The following CDH12 variants were observed in gnomAD, a reference collection of about 807,000 sequenced individuals.
CDH12 encodes the protein cadherin-12.
In CDH12, 41 loss-of-function variants were observed where a neutral mutation model predicts 74.1. That is an observed-to-expected ratio of 0.55 (90% CI 0.43 to 0.72). The LOEUF (loss-of-function observed/expected upper bound fraction) is 0.72, where lower values mean the gene tolerates loss of function less well. Ranked by LOEUF, CDH12 falls within the 30% of genes least tolerant of loss-of-function variation. CDH12 has a pLI of 0.00. For missense variants in CDH12, 945 were observed against 977.2 expected (o/e 0.97, Z 0.44); for synonymous variants, 399 against 355.0 (o/e 1.12, Z -1.39).
chr5:21,880,664 T>C (rs1752286947), intron 6 of CDH12, among the ~76,000 whole-genome samples: 4 of 138,554 alleles, frequency 2.9e-5, no homozygotes, highest in East Asian at 2.2e-4. Flanking sequence ...TCTTTCTTTC[T>C]TTCTTTCTTT....
intron 6 of CDH12, among the ~76,000 whole-genome samples, chr5:21,898,901 G>T (rs1193120267): frequency 6.6e-6 from 1 of 151,794 alleles, no homozygotes; most frequent in Non-Finnish European, 1.5e-5. Context: ...AAAATGAGTT[G>T]ATCTAAGAGA....
At chr5:21,845,023 A>ATAGG (rs763529054) in intron 7 of CDH12, among the ~76,000 whole-genome samples, 3 of 151,654 alleles carry the variant, frequency 2.0e-5, no homozygotes, top group Non-Finnish European at 4.4e-5. Flanking sequence ...AGATAGATAG[A>ATAGG]TAGATAGATA....
At chr5:22,308,809 A>AACACAC (rs774664506) in intron 3 of CDH12, among the ~76,000 whole-genome samples, 59 of 85,292 alleles carry the variant, frequency 6.9e-4, no homozygotes, top group South Asian at 2.3e-3. Context: ...CAAATACACA[A>AACACAC]ACACACACAC....
In CDH12 at chr5:22,631,969, A is replaced by G. The variant is rs533359862; in HGVS notation, c.-522-126605T>C. ...CTCCCACCAGGCCCTACCTGCAACA[A>G]TGGGGATTGCAATTTGACATGTGAT... On this transcript the variant is annotated intron_variant, in intron 1 of 14. Coordinates refer to ENST00000382254, the MANE Select transcript of CDH12 (RefSeq NM_004061.5). Among the ~76,000 whole-genome samples, 4 of 152,210 alleles carry G rather than the reference A, an allele frequency of 2.6e-5. No homozygotes were observed. The South Asian group carries it at 8.3e-4, about 32-fold the overall frequency.
chr5:22,312,198 A>T (rs191171096), intron 3 of CDH12, among the ~76,000 whole-genome samples: 2 of 152,160 alleles, frequency 1.3e-5, no homozygotes, highest in East Asian at 3.9e-4. Flanking sequence ...ACTAGATAAA[A>T]TGAGTTTTCA....
intron 1 of CDH12, among the ~76,000 whole-genome samples, chr5:22,686,048 A>G (rs1490104637): frequency 1.3e-5 from 2 of 152,162 alleles, no homozygotes; most frequent in East Asian, 3.9e-4. Context: ...CCACATTCTT[A>G]TCCACATCTG....
intron 1 of CDH12, among the ~76,000 whole-genome samples, chr5:22,533,796 G>A (rs1280762546): frequency 6.6e-6 from 1 of 152,094 alleles, no homozygotes; most frequent in Non-Finnish European, 1.5e-5. Flanking sequence ...CTAAATGAAA[G>A]CTTTAAAATT....
rs1487338862 is a variant in CDH12 at position 22,761,860 on chromosome 5, G to GT, written c.-523+91197dup. The stretch of plus-strand genomic sequence containing the variant: ...ACCGTTAAAATACAAACAAAACCTT[G>GT]TGTCAGACTTAGCATGTGTTACTGA... On this transcript the variant is annotated intron_variant, in intron 1 of 14. Transcript: ENST00000382254. Among the ~76,000 whole-genome samples the GT allele has an allele frequency of 5.3e-5, 8 of 152,132 alleles. No individual in the cohort carries two copies. The East Asian group carries it at 1.4e-3, about 26-fold the overall frequency.
In CDH12 at chr5:21,842,184, T is replaced by C; in HGVS notation, c.791A>G (p.Asp264Gly). Residue 264 changes from aspartate to glycine, a missense_variant, in exon 8 of 15, where the codon GAC (aspartate) becomes GGC (glycine). Asp to Gly is a moderately conservative substitution (Grantham distance 94). Transcript: ENST00000382254. The part of the protein sequence containing the change: ...IVNITLTDVN[D>G]NPPRFPKSIF... ...ACTTTTGGGGAATCGAGGTGGATTG[T>C]CATTGACATCGGTGAGAGTGATGTT... 1.2e-6 allele frequency: 2 copies of C among 1,611,994 alleles called. No individual in the cohort carries two copies. The highest frequency in any genetic ancestry group is 8.5e-7 in the Non-Finnish European group (1 of 1,179,254).
rs960406799 is a variant in CDH12 at position 22,584,937 on chromosome 5, T to TA, written c.-522-79574dup. 5.3e-5 allele frequency among the ~76,000 whole-genome samples: 8 copies of TA among 152,150 alleles called. No homozygotes were observed. The East Asian group carries it at 7.7e-4, about 15-fold the overall frequency. On this transcript the variant is annotated intron_variant, in intron 1 of 14. Coordinates refer to ENST00000382254, the MANE Select transcript of CDH12 (RefSeq NM_004061.5). ...CAAGATACTGCCATAATATTTATCTTAAAAAAATTTACTACTAAAAAAAAC... is the reference window on the plus strand; with the variant it reads ...CAAGATACTGCCATAATATTTATCTTAAAAAAAATTTACTACTAAAAAAAAC...
chr5:22,471,690 T>C (rs1390120885), intron 2 of CDH12, among the ~76,000 whole-genome samples: 1 of 152,208 alleles, frequency 6.6e-6, no homozygotes. Flanking sequence ...AGGTTACCAA[T>C]GACTTCACAT....
At chr5:21,753,590 TGAG>T (rs1163425070) in intron 14 of CDH12, among the ~76,000 whole-genome samples, 3 of 152,100 alleles carry the variant, frequency 2.0e-5, no homozygotes, top group Non-Finnish European at 4.4e-5. Flanking sequence ...TGAGAATGGC[TGAG>T]AACAAGCTAG....
intron 1 of CDH12, among the ~76,000 whole-genome samples, chr5:22,561,550 A>G (rs747545842): frequency 1.3e-5 from 2 of 152,060 alleles, no homozygotes; most frequent in Non-Finnish European, 2.9e-5. Flanking sequence ...TCTTCATCCT[A>G]TCTTTGGCCT....
chr5:21,824,187 T>C (rs1748530588), intron 8 of CDH12, among the ~76,000 whole-genome samples: 1 of 152,244 alleles, frequency 6.6e-6, no homozygotes, highest in Admixed American at 6.5e-5. Flanking sequence ...ATTAGCAGCC[T>C]TTCTCTGTCC....
At chr5:21,842,836 C>T (rs1749947941) in intron 7 of CDH12, among the ~76,000 whole-genome samples, 1 of 152,000 alleles carries the variant, frequency 6.6e-6, no homozygotes, top group Admixed American at 6.6e-5. Context: ...TTTATTTTGT[C>T]TTTCAGAATT....
At chr5:22,183,684 G>A (rs774389038) in intron 4 of CDH12, among the ~76,000 whole-genome samples, 4 of 152,136 alleles carry the variant, frequency 2.6e-5, no homozygotes, top group African/African-American at 7.2e-5. Context: ...AGGGGCAACT[G>A]TAGGTACTAC....
At chr5:22,535,239 C>G (rs551439166) in intron 1 of CDH12, among the ~76,000 whole-genome samples, 1 of 145,316 alleles carries the variant, frequency 6.9e-6, no homozygotes, top group South Asian at 2.2e-4. Flanking sequence ...AATGCAAGCT[C>G]CGCTTCCCGG....
At chr5:21,936,568 T>A (rs1010135965) in intron 6 of CDH12, among the ~76,000 whole-genome samples, 12 of 152,168 alleles carry the variant, frequency 7.9e-5, no homozygotes, top group Admixed American at 2.6e-4. Context: ...ATAAGCACTG[T>A]CATAGAGGTA....
chr5:22,266,806 T>A (rs904636316), intron 3 of CDH12, among the ~76,000 whole-genome samples: 1 of 152,156 alleles, frequency 6.6e-6, no homozygotes, highest in African/African-American at 2.4e-5. Context: ...ATTGTTTCAA[T>A]TCACTACATT....
Sources: gnomAD v4.1 joint callset for allele counts (sites outside exome capture counted in the v4.1 genomes callset) on GRCh38, gnomAD v4.1.1 for gene constraint, MANE v1.5 for transcripts, NCBI Gene and HGNC (gene_info 2026-07-23, HGNC 2026-07-21) for gene names.